The following FMN1 variants were observed in gnomAD, a reference collection of about 807,000 sequenced individuals.
FMN1 encodes the protein formin-1.
In FMN1, 110 loss-of-function variants were observed where a neutral mutation model predicts 132.4. The ratio of observed to expected loss-of-function variants is 0.83; its 90% CI spans 0.71 to 0.97. The LOEUF is 0.97. Ranked by LOEUF, FMN1 falls within the 50% of genes least tolerant of loss-of-function variation. The pLI is 0.00. For synonymous variants in FMN1, 722 were observed against 651.7 expected (o/e 1.11, Z -1.64); for missense variants, 1,792 against 1,705.3 (o/e 1.05, Z -0.90).
At chr15:33,118,365 C>T (rs4780081) in intron 4 of FMN1, among the ~76,000 whole-genome samples, 27,653 of 149,000 alleles carry the variant, frequency 0.19, 2,855 homozygotes, top group Middle Eastern at 0.27. Flanking sequence ...TTCTCAGGGG[C>T]ATACTAAGAA....
intron 17 of FMN1, among the ~76,000 whole-genome samples, chr15:32,832,106 C>T (rs113115454): frequency 5.3e-5 from 8 of 152,076 alleles, no homozygotes; most frequent in African/African-American, 1.9e-4. Flanking sequence ...TAAAAACACC[C>T]GTATAACTAT....
At chr15:32,846,084 A>G (rs1381202034) in intron 17 of FMN1, among the ~76,000 whole-genome samples, 3 of 152,218 alleles carry the variant, frequency 2.0e-5, no homozygotes, top group Non-Finnish European at 4.4e-5. Flanking sequence ...CACTACATTC[A>G]GATCACTTAA....
chr15:32,843,762 G>C lies in FMN1; in HGVS notation c.3928+13253C>G, dbSNP rs181146689. On this transcript the variant is annotated intron_variant, in intron 17 of 20. Transcript: ENST00000616417. ...AAGATGAAAGGGGAAGTAGTAAATA[G>C]CAAAGGTCTCAATGCCTGACTCTGA... 2.9e-3 allele frequency among the ~76,000 whole-genome samples: 445 copies of C among 152,310 alleles called. 5 individuals are homozygous for C. The highest frequency in any genetic ancestry group is 0.01 in the African/African-American group (424 of 41,570).
chr15:32,996,135 C>T (rs971578266), intron 7 of FMN1, among the ~76,000 whole-genome samples: 1 of 152,180 alleles, frequency 6.6e-6, no homozygotes, highest in African/African-American at 2.4e-5. Flanking sequence ...TGGCCCAGTC[C>T]CACCTAAGCT....
intron 5 of FMN1, among the ~76,000 whole-genome samples, chr15:33,086,266 A>C (rs1566903096): frequency 6.6e-6 from 1 of 151,520 alleles, no homozygotes; most frequent in Admixed American, 6.6e-5. Flanking sequence ...AAAAAAAAAA[A>C]AAAAAAGCAA....
intron 6 of FMN1, among the ~76,000 whole-genome samples, chr15:33,028,510 G>A (rs1001222922): frequency 7.8e-6 from 1 of 128,216 alleles, no homozygotes; most frequent in Admixed American, 7.6e-5. Context: ...AAGAACTACA[G>A]AGGAAAAAAT....
At chr15:32,880,024 A>C (rs1464324973) in intron 16 of FMN1, among the ~76,000 whole-genome samples, 1 of 151,612 alleles carries the variant, frequency 6.6e-6, no homozygotes, top group Non-Finnish European at 1.5e-5. Context: ...TTTGGTGCTT[A>C]GTAGTATGTC....
chr15:32,999,344 G>C (rs2033960207), intron 7 of FMN1, among the ~76,000 whole-genome samples: 1 of 152,236 alleles, frequency 6.6e-6, no homozygotes, highest in African/African-American at 2.4e-5. Context: ...AGCTCAAATA[G>C]AGTCTGCACT....
At chr15:33,066,855 G>C in intron 5 of FMN1, 1 of 1,613,980 alleles carries the variant, frequency 6.2e-7, no homozygotes, top group South Asian at 1.1e-5. Flanking sequence ...AGAGAGAGCT[G>C]CTCCAGGAGA....
intron 4 of FMN1, among the ~76,000 whole-genome samples, chr15:33,116,073 C>A (rs182452620): frequency 1.5e-3 from 230 of 152,204 alleles, no homozygotes; most frequent in African/African-American, 5.2e-3. Context: ...TATAGAGATC[C>A]AACTATAAAA....
Position 32,940,958 on chromosome 15 carries a change from C to T in FMN1, c.3139-14697G>A, listed in dbSNP as rs115193495. 8.6e-3 allele frequency among the ~76,000 whole-genome samples: 1,302 copies of T among 152,174 alleles called. 15 individuals carry two copies. The highest frequency in any genetic ancestry group is 0.029 in the African/African-American group (1,223 of 41,498). ...TCCTGACTGTATTAGCATCCAGCTT[C>T]ATCATATTAAAAGGAGTTAGTTAGC... On this transcript the variant is annotated intron_variant, in intron 9 of 20. Transcript: ENST00000616417.
At chr15:32,889,573 T>C (rs1313527477) in intron 15 of FMN1, among the ~76,000 whole-genome samples, 2 of 152,168 alleles carry the variant, frequency 1.3e-5, no homozygotes, top group African/African-American at 4.8e-5. Context: ...CACAATCTCT[T>C]GCTTCTAGGC....
rs143655028 is a variant in FMN1 at position 32,918,908 on chromosome 15, C to G, written c.3226+7266G>C. 1.1e-3 allele frequency among the ~76,000 whole-genome samples: 170 copies of G among 152,216 alleles called. 1 individual carries two copies. Among genetic ancestry groups the G allele is most frequent in the African/African-American group, 3.9e-3 (164 of 41,530 alleles). On this transcript the variant is annotated intron_variant, in intron 10 of 20. Coordinates refer to ENST00000616417, the MANE Select transcript of FMN1 (RefSeq NM_001277313.2). ...TTAGAAAGGGTAGGTGGGAGCCCCG[C>G]TGCTTAGGTGTTTTAGACACAGCAG...
chr15:32,817,556 A>ATTT (rs1345797551), intron 17 of FMN1, among the ~76,000 whole-genome samples: 2 of 152,228 alleles, frequency 1.3e-5, no homozygotes, highest in African/African-American at 4.8e-5. Context: ...CTTGGGTGAT[A>ATTT]TTTGCAGGAA....
At chr15:32,902,208 G>A (rs1429723253) in intron 12 of FMN1, among the ~76,000 whole-genome samples, 168 bp from the exon 13 acceptor site, 1 of 152,180 alleles carries the variant, frequency 6.6e-6, no homozygotes, top group African/African-American at 2.4e-5. Flanking sequence ...GGTTTCCATT[G>A]TTGACAACAG....
chr15:33,148,223 T>C (rs1964303998), intron 4 of FMN1, among the ~76,000 whole-genome samples: 1 of 152,228 alleles, frequency 6.6e-6, no homozygotes, highest in African/African-American at 2.4e-5. Flanking sequence ...ATCCATTCAC[T>C]AATAAATCGG....
chr15:33,069,103 C>T (rs1394651666), intron 5 of FMN1, among the ~76,000 whole-genome samples: 1 of 152,224 alleles, frequency 6.6e-6, no homozygotes, highest in Non-Finnish European at 1.5e-5. Flanking sequence ...TGAAAAGTCT[C>T]TATCAGTCAG....
chr15:33,052,869 T>C (rs2037042076), intron 6 of FMN1, among the ~76,000 whole-genome samples: 1 of 152,080 alleles, frequency 6.6e-6, no homozygotes, highest in Non-Finnish European at 1.5e-5. Context: ...CTTTGAGTGG[T>C]GTCTTTACTT....
At chr15:32,938,921 C>T (rs1228128893) in intron 9 of FMN1, among the ~76,000 whole-genome samples, 2 of 151,992 alleles carry the variant, frequency 1.3e-5, no homozygotes, top group East Asian at 1.9e-4. Flanking sequence ...AATACAAATA[C>T]ACTTAAATAA....
Sources: allele counts gnomAD v4.1 joint callset (sites outside exome capture counted in the v4.1 genomes callset), GRCh38; gene constraint gnomAD v4.1.1; transcripts MANE v1.5; gene names NCBI Gene and HGNC (gene_info 2026-07-23, HGNC 2026-07-21).